The following CRACD variants were observed in gnomAD, a reference collection of about 807,000 sequenced individuals.
CRACD encodes capping protein inhibiting regulator of actin dynamics, also known as capping protein-inhibiting regulator of actin dynamics.
In CRACD, 56 loss-of-function variants were observed where a neutral mutation model predicts 106.8. The ratio of observed to expected loss-of-function variants is 0.52; its 90% CI spans 0.42 to 0.66. The LOEUF (loss-of-function observed/expected upper bound fraction) is 0.66, where lower values mean the gene tolerates loss of function less well. Ranked by LOEUF, CRACD falls within the 30% of genes least tolerant of loss-of-function variation. CRACD has a pLI of 0.00. For missense variants in CRACD, 1,730 were observed against 1,623.2 expected, an observed-to-expected ratio of 1.07 and a Z score of -1.13; for synonymous variants, 754 against 670.8, an observed-to-expected ratio of 1.12 and a Z score of -1.92.
chr4:56,182,526 G>A (rs1736874927), intron 2 of CRACD, among the ~76,000 whole-genome samples: 1 of 152,062 alleles, frequency 6.6e-6, no homozygotes, highest in Non-Finnish European at 1.5e-5. Context: ...GATCGTCAGT[G>A]TGATTTCACC....
intron 3 of CRACD, among the ~76,000 whole-genome samples, chr4:56,284,806 A>G (rs1743242859): frequency 1.3e-5 from 2 of 152,212 alleles, no homozygotes; most frequent in Non-Finnish European, 2.9e-5. Flanking sequence ...TCTCTCATTA[A>G]AGGCTTGATT....
chr4:56,292,314 T>TA (rs1743740415), intron 3 of CRACD, among the ~76,000 whole-genome samples: 1 of 152,094 alleles, frequency 6.6e-6, no homozygotes, highest in African/African-American at 2.4e-5. Context: ...AGGGGGACCT[T>TA]AGGAAATAAC....
intron 2 of CRACD, among the ~76,000 whole-genome samples, chr4:56,193,062 CT>C (rs1737451983): frequency 6.6e-6 from 1 of 152,154 alleles, no homozygotes; most frequent in African/African-American, 2.4e-5. Context: ...GTATAATGGA[CT>C]CACAGTTCCA....
rs1005568978 is a variant in CRACD at position 56,314,365 on chromosome 4, G to A, written c.863G>A (p.Arg288Gln). Residue 288 changes from arginine to glutamine, a missense_variant, in exon 8 of 11, where the codon CGG becomes CAG. Around this residue, in one of 5 missense-constraint regions of CRACD, gnomAD observed 1,620 missense variants for 1,481.6 expected, o/e 1.09. Coordinates refer to ENST00000682029, the MANE Select transcript of CRACD (RefSeq NM_001393381.1). The surrounding 1 kb of genome is among the most constrained non-coding windows in gnomAD (Gnocchi z 4.4). ...CCTCTAGAGGCGGAAAGGGCGCCGC[G>A]GGAAGAGCAGCAGCGGAGCCTGGAA... is the stretch of plus-strand genomic sequence containing the variant. ...EPPLEAERAP[R>Q]EEQQRSLEAP... The A allele has an allele frequency of 2.6e-6, 4 of 1,547,958 alleles. No individual in the cohort carries two copies. The African/African-American group carries it at 4.1e-5, about 16-fold the overall frequency.
At chr4:56,180,311 GAA>G (rs1179622188) in intron 2 of CRACD, among the ~76,000 whole-genome samples, 1 of 151,970 alleles carries the variant, frequency 6.6e-6, no homozygotes. Flanking sequence ...CCAACACGGT[GAA>G]ACCCCATCTC....
At chr4:56,321,065 A>C (rs1746069773) in intron 8 of CRACD, 1 of 176,026 alleles carries the variant, frequency 5.7e-6, no homozygotes, top group South Asian at 1.2e-4. Flanking sequence ...TGGTCAGTGG[A>C]CATTTCTCCT....
intron 1 of CRACD, among the ~76,000 whole-genome samples, chr4:56,169,713 G>A (rs183387743): frequency 8.5e-5 from 13 of 152,140 alleles, no homozygotes; most frequent in South Asian, 4.2e-4. Context: ...GCTCAGGCTC[G>A]TCTCGAACTC....
intron 3 of CRACD, among the ~76,000 whole-genome samples, chr4:56,280,712 C>G (rs1742993194): frequency 6.6e-6 from 1 of 152,214 alleles, no homozygotes; most frequent in Admixed American, 6.5e-5. Flanking sequence ...CTAATTTGGC[C>G]TCCAGTTTCC....
At chr4:56,214,367 G>A (rs951935492) in intron 2 of CRACD, among the ~76,000 whole-genome samples, 6 of 152,064 alleles carry the variant, frequency 3.9e-5, no homozygotes, top group Non-Finnish European at 8.8e-5. Context: ...GGCCAAGGTG[G>A]GCAGATCATG....
intron 2 of CRACD, among the ~76,000 whole-genome samples, chr4:56,198,806 A>T (rs772971952): frequency 2.6e-5 from 4 of 152,200 alleles, no homozygotes; most frequent in South Asian, 2.1e-4. Context: ...TAGAAAAAAT[A>T]ATATATTTAA....
intron 3 of CRACD, among the ~76,000 whole-genome samples, chr4:56,277,400 C>T (rs1742734816): frequency 6.6e-6 from 1 of 151,316 alleles, no homozygotes; most frequent in South Asian, 2.1e-4. Flanking sequence ...ACATGATCAT[C>T]TCAATAAATG....
At chr4:56,205,931 T>C (rs983512248) in intron 2 of CRACD, among the ~76,000 whole-genome samples, 2 of 152,226 alleles carry the variant, frequency 1.3e-5, no homozygotes, top group African/African-American at 4.8e-5. Context: ...TGTGAACAGA[T>C]TGATATAAAA....
At chr4:56,110,237 G>T (rs907708449) in intron 1 of CRACD, among the ~76,000 whole-genome samples, 3 of 152,182 alleles carry the variant, frequency 2.0e-5, no homozygotes, top group Admixed American at 2.0e-4. Flanking sequence ...AAATTCTGAG[G>T]GAAGTGTTTT....
chr4:56,068,928 T>G (rs1173099366), intron 1 of CRACD, among the ~76,000 whole-genome samples: 1 of 152,098 alleles, frequency 6.6e-6, no homozygotes, highest in Non-Finnish European at 1.5e-5. Flanking sequence ...TTAAACATCT[T>G]GGGATGGAAT....
At chr4:56,158,271 A>G (rs1037362618) in intron 1 of CRACD, among the ~76,000 whole-genome samples, 1 of 152,330 alleles carries the variant, frequency 6.6e-6, no homozygotes, top group Admixed American at 6.5e-5. Flanking sequence ...TGTTCAGATC[A>G]TGCAGGGGTG....
At chr4:56,188,734 A>AGAGAGAGAGG (rs1491011030) in intron 2 of CRACD, among the ~76,000 whole-genome samples, 7 of 140,294 alleles carry the variant, frequency 5.0e-5, no homozygotes, top group African/African-American at 1.8e-4. Context: ...AGAGAGAGAG[A>AGAGAGAGAGG]GGGGTTAACA....
chr4:56,077,438 A>G (rs571205486), intron 1 of CRACD, among the ~76,000 whole-genome samples: 1 of 152,278 alleles, frequency 6.6e-6, no homozygotes, highest in African/African-American at 2.4e-5. Context: ...ATCATTATGT[A>G]TACGTGCACA....
At chr4:56,166,590 G>GA (rs1736161784) in intron 1 of CRACD, among the ~76,000 whole-genome samples, 1 of 140,794 alleles carries the variant, frequency 7.1e-6, no homozygotes, top group Non-Finnish European at 1.5e-5. Context: ...TGAGACAGGA[G>GA]AATCGCTTAA....
chr4:56,256,409 T>G (rs1034125092), intron 2 of CRACD, among the ~76,000 whole-genome samples: 6 of 152,208 alleles, frequency 3.9e-5, no homozygotes, highest in African/African-American at 1.4e-4. Flanking sequence ...CTTTTGTAAA[T>G]TGCCCAGTCT....
Sources: gnomAD v4.1 joint callset for allele counts (sites outside exome capture counted in the v4.1 genomes callset) on GRCh38, gnomAD v4.1.1 for gene constraint, gnomAD v4.1.1 regional missense constraint, Gnocchi (gnomAD v3.1) non-coding constraint, MANE v1.5 for transcripts, NCBI Gene and HGNC (gene_info 2026-07-23, HGNC 2026-07-21) for gene names.